The following LGSN variants were observed in gnomAD, a reference collection of about 807,000 sequenced individuals.
LGSN encodes the protein lengsin, lens protein with glutamine synthetase domain, also known as lengsin.
A neutral mutation model predicts 19.5 loss-of-function variants in LGSN; 21 were observed. The observed-to-expected ratio is 1.07, with a 90% CI of 0.76 to 1.55. The LOEUF is 1.55. Among genes scored for constraint, LGSN ranks in the 40% most tolerant of loss-of-function variants. LGSN has a pLI of 0.00. For synonymous variants in LGSN, 257 were observed against 215.6 expected (o/e 1.19, Z -1.68); for missense variants, 673 against 608.5 (o/e 1.11, Z -1.12).
chr6:63,358,877 G>A, the LGSN span, among the ~76,000 whole-genome samples: 1 of 152,150 alleles, frequency 6.6e-6, no homozygotes, highest in African/African-American at 2.4e-5. Context: ...ATGTTGAATA[G>A]GAGTAGTGAG....
chr6:63,569,108 C>T, the LGSN span, among the ~76,000 whole-genome samples: 1 of 152,198 alleles, frequency 6.6e-6, no homozygotes, highest in Non-Finnish European at 1.5e-5. Context: ...GAATCCTTCA[C>T]TCCTTTTGTA....
At chr6:63,485,072 G>A in the LGSN span, among the ~76,000 whole-genome samples, 4 of 151,546 alleles carry the variant, frequency 2.6e-5, no homozygotes, top group South Asian at 2.1e-4. Flanking sequence ...AGGGTTACAT[G>A]CAGGTTTGTT....
chr6:63,485,036 TG>T, the LGSN span, among the ~76,000 whole-genome samples: 124 of 152,088 alleles, frequency 8.2e-4, no homozygotes, highest in Non-Finnish European at 4.1e-4. Context: ...TTTTTTTAGT[TG>T]TTTTTTTTTT....
At chr6:63,301,749 A>G (rs1768193728) in intron 1 of LGSN, among the ~76,000 whole-genome samples, 1 of 152,186 alleles carries the variant, frequency 6.6e-6, no homozygotes, top group Non-Finnish European at 1.5e-5. Context: ...TTTGAGTAAA[A>G]TGCAAAGAAA....
chr6:63,443,716 A>T, the LGSN span: 1 of 230,574 alleles, frequency 4.3e-6, no homozygotes. Context: ...GGTACTTGAG[A>T]CCTCCTCTTT....
At chr6:63,488,412 C>T in the LGSN span, among the ~76,000 whole-genome samples, 1 of 152,118 alleles carries the variant, frequency 6.6e-6, no homozygotes. Flanking sequence ...TTGATCGATC[C>T]CCTTTCCTGG....
chr6:63,421,255 C>A, the LGSN span, among the ~76,000 whole-genome samples: 2 of 151,508 alleles, frequency 1.3e-5, no homozygotes, highest in Non-Finnish European at 2.9e-5. Flanking sequence ...AAACCCACCT[C>A]TACTAAGAAT....
chr6:63,475,738 A>C, the LGSN span, among the ~76,000 whole-genome samples: 11 of 152,226 alleles, frequency 7.2e-5, no homozygotes, highest in East Asian at 3.8e-4. Flanking sequence ...AAAAAAGAAG[A>C]AGCAGCACAT....
At chr6:63,534,510 ATGCAGTACT>A in the LGSN span, among the ~76,000 whole-genome samples, 1 of 151,832 alleles carries the variant, frequency 6.6e-6, no homozygotes, top group Non-Finnish European at 1.5e-5. Context: ...GTCTAAGCCA[ATGCAGTACT>A]TACAAAACAT....
the LGSN span, among the ~76,000 whole-genome samples, chr6:63,342,560 A>G: frequency 6.6e-6 from 1 of 152,206 alleles, no homozygotes; most frequent in African/African-American, 2.4e-5. Context: ...CATATTTTTT[A>G]AATTCAGTCA....
chr6:63,329,229 T>G, the LGSN span, among the ~76,000 whole-genome samples: 2 of 152,190 alleles, frequency 1.3e-5, no homozygotes, highest in East Asian at 3.9e-4. Context: ...GGGCTATCCC[T>G]AAACCCTTGG....
At chr6:63,377,231 C>T in the LGSN span, among the ~76,000 whole-genome samples, 4 of 152,142 alleles carry the variant, frequency 2.6e-5, no homozygotes, top group East Asian at 3.9e-4. Context: ...TGGCAATAGA[C>T]GCTAACGTAT....
chr6:63,553,194 C>G, the LGSN span, among the ~76,000 whole-genome samples: 1 of 152,178 alleles, frequency 6.6e-6, no homozygotes, highest in Non-Finnish European at 1.5e-5. Flanking sequence ...AATAAGTCCT[C>G]AGTAATTGTG....
chr6:63,277,678 C>T lies in LGSN; in HGVS notation c.*2343G>A, dbSNP rs557932802. 1.3e-5 allele frequency: 2 copies of T among 152,320 alleles called. No homozygotes were observed. Among genetic ancestry groups the T allele is most frequent in the South Asian group, 2.1e-4 (1 of 4,826 alleles). 9.4% of individuals were successfully genotyped at this position (152,320 alleles called of 1,614,324 possible). ...TACTGTACCCTGTGGAGCAAACCTC[C>T]CTTCCCAAGGACATAATCCTAGCCA... On this transcript the variant is annotated 3_prime_UTR_variant, in exon 4 of 4. Transcript: ENST00000370657.
At chr6:63,487,036 A>C in the LGSN span, among the ~76,000 whole-genome samples, 1 of 151,864 alleles carries the variant, frequency 6.6e-6, no homozygotes, top group South Asian at 2.1e-4. Flanking sequence ...GGGTTTCACC[A>C]TGTTGGCCAG....
the LGSN span, among the ~76,000 whole-genome samples, chr6:63,449,569 T>C: frequency 1.4e-5 from 2 of 145,768 alleles, no homozygotes; most frequent in Non-Finnish European, 3.0e-5. Flanking sequence ...AAGAAAGAAA[T>C]AATCTGGGAT....
At chr6:63,323,807 T>C (rs1026854718), upstream of LGSN, among the ~76,000 whole-genome samples, 1 of 150,358 alleles carries the variant, frequency 6.7e-6, no homozygotes, top group Non-Finnish European at 1.5e-5. Context: ...CAGTCTGCTC[T>C]GTCACCCAGA....
the LGSN span, among the ~76,000 whole-genome samples, chr6:63,509,308 G>A: frequency 2.6e-5 from 4 of 151,980 alleles, no homozygotes; most frequent in East Asian, 3.9e-4. Flanking sequence ...CAGGTGATCC[G>A]CCTGCCTTGG....
chr6:63,318,124 G>A (rs916254096), intron 1 of LGSN, among the ~76,000 whole-genome samples: 2 of 152,190 alleles, frequency 1.3e-5, no homozygotes, highest in Admixed American at 1.3e-4. Flanking sequence ...TTTAAATAGA[G>A]AATCTCAGTA....
Sources: allele counts gnomAD v4.1 joint callset (sites outside exome capture counted in the v4.1 genomes callset), GRCh38; gene constraint gnomAD v4.1.1; transcripts MANE v1.5; gene names NCBI Gene and HGNC (gene_info 2026-07-23, HGNC 2026-07-21).